Variants in NME7 observed in about 807,000 individuals in gnomAD.
The protein encoded by NME7 is NME/NM23 family member 7, also known as nucleoside diphosphate kinase 7.
NME7 carries 41 observed loss-of-function variants against 49.1 expected under a neutral mutation model. That is an observed-to-expected ratio of 0.83 (90% CI 0.65 to 1.08). The LOEUF (loss-of-function observed/expected upper bound fraction) is 1.08. NME7 is among the 50% of genes least tolerant of loss of function. The pLI is 0.00. For missense variants in NME7, 423 were observed against 463.4 expected (o/e 0.91, Z 0.80); for synonymous variants, 139 against 150.6 (o/e 0.92, Z 0.56).
At position 169,257,932 on chromosome 1, in the gene NME7, A is replaced by G. The variant is rs537980179; in HGVS notation, c.755-20245T>C. 1.5e-5 allele frequency among the ~76,000 whole-genome samples: 2 copies of G among 134,380 alleles called. 1 individual carries two copies. Among genetic ancestry groups the G allele is most frequent in the East Asian group, 4.0e-4 (2 of 5,054 alleles). 88.2% of individuals were successfully genotyped at this position (134,380 alleles called of 152,430 possible). ...GTTTTTCAAGCAAACACAATGAAAGAAGACTGAAATGATAATTCAAGACCA... is the reference window on the plus strand; with the variant it reads ...GTTTTTCAAGCAAACACAATGAAAGGAGACTGAAATGATAATTCAAGACCA... On this transcript the variant is annotated intron_variant, in intron 7 of 11. Transcript: ENST00000367811.
intron 10 of NME7, among the ~76,000 whole-genome samples, chr1:169,191,108 G>A (rs757570646): frequency 1.3e-5 from 2 of 151,722 alleles, no homozygotes; most frequent in Non-Finnish European, 2.9e-5. Context: ...CACCGCGCCC[G>A]GCCGCAAGTG....
intron 1 of NME7, among the ~76,000 whole-genome samples, chr1:169,355,389 C>G (rs1443811324): frequency 7.8e-6 from 1 of 128,428 alleles, no homozygotes; most frequent in East Asian, 2.1e-4. Flanking sequence ...CACACACACA[C>G]ACACATATAC....
At position 169,154,494 on chromosome 1, in the gene NME7, T is replaced by C. The variant is rs73033770; in HGVS notation, c.1098+14953A>G. Reference sequence around the variant, plus strand: ...AAGAACTCAATATTATAAAAAAATCTCTGGCTTTTTATTTTGAATTTGAAA... The same window carrying C: ...AAGAACTCAATATTATAAAAAAATCCCTGGCTTTTTATTTTGAATTTGAAA... On this transcript the variant is annotated intron_variant, in intron 11 of 11. Coordinates refer to ENST00000367811, the MANE Select transcript of NME7 (RefSeq NM_013330.5). 3.4e-3 allele frequency among the ~76,000 whole-genome samples: 519 copies of C among 152,290 alleles called. 3 individuals carry two copies. The highest frequency in any genetic ancestry group is 0.02 in the Middle Eastern group (6 of 294).
In NME7 at chr1:169,273,561, T is replaced by C. The variant is rs1298388331; in HGVS notation, c.754+13742A>G. ...GTGCCATGCTGGTGTGCTGCACCCA[T>C]TGACTCGTCATTTAGCATTAGGTAT... is the stretch of plus-strand genomic sequence containing the variant. On this transcript the variant is annotated intron_variant, in intron 7 of 11. Transcript: ENST00000367811. Among the ~76,000 whole-genome samples, 7 of 131,576 alleles carry C rather than the reference T, an allele frequency of 5.3e-5. 2 individuals are homozygous for C. The highest frequency in any genetic ancestry group is 1.1e-4 in the Non-Finnish European group (6 of 56,164). 86.3% of individuals were successfully genotyped at this position (131,576 alleles called of 152,430 possible).
intron 7 of NME7, among the ~76,000 whole-genome samples, chr1:169,253,781 G>A (rs1442697852): frequency 6.6e-6 from 1 of 151,850 alleles, no homozygotes; most frequent in African/African-American, 2.4e-5. Flanking sequence ...AAGGGTTGTT[G>A]AATTTTGTCA....
In NME7 at chr1:169,210,991, C is replaced by CTT. The variant is rs3835446; in HGVS notation, c.990+19725_990+19726dup. 1.9e-4 allele frequency among the ~76,000 whole-genome samples: 29 copies of CTT among 149,198 alleles called. 1 individual carries two copies. The highest frequency in any genetic ancestry group is 4.3e-4 in the South Asian group (2 of 4,700). ...GAATCCCTCATATAGATCATAAGCT[C>CTT]TTTTTTTTTTTAATTTTTCTTTTGC... On this transcript the variant is annotated intron_variant, in intron 10 of 11. Transcript: ENST00000367811.
chr1:169,345,173 A>C (rs1188052125), intron 1 of NME7, among the ~76,000 whole-genome samples: 1 of 152,084 alleles, frequency 6.6e-6, no homozygotes, highest in East Asian at 1.9e-4. Context: ...GATAGGAGCG[A>C]TGTCTCCTCT....
In NME7 at chr1:169,227,960, CTTATA is replaced by C. The variant is rs1389142992; in HGVS notation, c.990+2753_990+2757del. 2.0e-4 allele frequency among the ~76,000 whole-genome samples: 30 copies of C among 151,278 alleles called. 1 individual carries two copies. The highest frequency in any genetic ancestry group is 6.8e-4 in the African/African-American group (28 of 41,170). On this transcript the variant is annotated intron_variant, in intron 10 of 11. Transcript: ENST00000367811. Reference sequence around the variant, plus strand: ...TACTCACAGGCTAAGATCTTTGAGGCTTATATTATATCAACTTTATTACATAATAT... The same window carrying C: ...TACTCACAGGCTAAGATCTTTGAGGCTTATATCAACTTTATTACATAATAT...
intron 3 of NME7, among the ~76,000 whole-genome samples, chr1:169,318,877 G>A (rs957994446): frequency 6.6e-6 from 1 of 152,072 alleles, no homozygotes; most frequent in African/African-American, 2.4e-5. Flanking sequence ...GATAGAGATG[G>A]AAGCAGCGGT....
intron 10 of NME7, among the ~76,000 whole-genome samples, chr1:169,207,172 T>C (rs1026022479): frequency 6.6e-6 from 1 of 152,032 alleles, no homozygotes; most frequent in South Asian, 2.1e-4. Flanking sequence ...CATGCAGAGA[T>C]CACAGGGTAA....
chr1:169,236,331 G>A (rs921653238), intron 8 of NME7, among the ~76,000 whole-genome samples: 6 of 152,238 alleles, frequency 3.9e-5, no homozygotes, highest in African/African-American at 1.4e-4. Flanking sequence ...AAGGCCACAT[G>A]CCTAGAAAAC....
intron 3 of NME7, among the ~76,000 whole-genome samples, chr1:169,320,992 C>T (rs923729522): frequency 2.6e-5 from 4 of 152,106 alleles, no homozygotes; most frequent in African/African-American, 9.7e-5. Flanking sequence ...AAGTTACTTA[C>T]CCATTCTATA....
At chr1:169,278,823 T>G (rs1649865650) in intron 7 of NME7, among the ~76,000 whole-genome samples, 1 of 152,182 alleles carries the variant, frequency 6.6e-6, no homozygotes, top group Non-Finnish European at 1.5e-5. Context: ...TTTTATCTAC[T>G]TTTGATCTTT....
At chr1:169,241,181 G>T (rs932747216) in intron 7 of NME7, among the ~76,000 whole-genome samples, 2 of 151,902 alleles carry the variant, frequency 1.3e-5, no homozygotes, top group African/African-American at 2.4e-5. Flanking sequence ...CTATATTTGA[G>T]GATCAAAAAG....
chr1:169,185,023 G>C (rs1056229114), intron 10 of NME7, among the ~76,000 whole-genome samples: 2 of 152,064 alleles, frequency 1.3e-5, no homozygotes, highest in African/African-American at 4.8e-5. Flanking sequence ...GCTATAAGGG[G>C]AGCACAAAAG....
At chr1:169,185,152 T>C (rs1348060228) in intron 10 of NME7, among the ~76,000 whole-genome samples, 2 of 152,194 alleles carry the variant, frequency 1.3e-5, no homozygotes, top group African/African-American at 4.8e-5. Context: ...AGAGTCAGCA[T>C]GATACAATTT....
intron 1 of NME7, among the ~76,000 whole-genome samples, chr1:169,338,378 C>G (rs1652559279): frequency 6.6e-6 from 1 of 152,182 alleles, no homozygotes; most frequent in South Asian, 2.1e-4. Context: ...ATTTCCCCAA[C>G]TGTGATGTTT....
chr1:169,143,847 T>C (rs1658677843), intron 11 of NME7, among the ~76,000 whole-genome samples: 1 of 152,182 alleles, frequency 6.6e-6, no homozygotes, highest in Non-Finnish European at 1.5e-5. Context: ...AGTATGGGCA[T>C]TTACTTAAAC....
At chr1:169,187,150 T>G (rs1660088687) in intron 10 of NME7, among the ~76,000 whole-genome samples, 1 of 152,126 alleles carries the variant, frequency 6.6e-6, no homozygotes, top group Non-Finnish European at 1.5e-5. Context: ...TTCTTCTGCA[T>G]TTGCTGAGGA....
Sources: gnomAD v4.1 joint callset for allele counts (sites outside exome capture counted in the v4.1 genomes callset) on GRCh38, gnomAD v4.1.1 for gene constraint, MANE v1.5 for transcripts, NCBI Gene and HGNC (gene_info 2026-07-23, HGNC 2026-07-21) for gene names.